The following PCLO variants were observed in gnomAD, a reference collection of about 807,000 sequenced individuals.
PCLO encodes protein piccolo.
PCLO carries 82 observed loss-of-function variants against 427.5 expected under a neutral mutation model. That is an observed-to-expected ratio of 0.19 (90% confidence interval 0.16 to 0.23). The LOEUF is 0.23. Ranked by LOEUF, PCLO falls within the 10% of genes least tolerant of loss-of-function variation. The pLI is 1.00. For synonymous variants in PCLO, 2,357 were observed against 2,155.4 expected (o/e 1.09, Z -2.59); for missense variants, 6,239 against 6,115.9 (o/e 1.02, Z -0.67).
intron 3 of PCLO, among the ~76,000 whole-genome samples, chr7:83,042,608 C>T (rs1788998839): frequency 6.6e-6 from 1 of 152,048 alleles, no homozygotes; most frequent in South Asian, 2.1e-4. Context: ...AGCCTGTAAT[C>T]CCAGCACTTT....
At chr7:82,981,784 A>G (rs1406031111) in intron 3 of PCLO, among the ~76,000 whole-genome samples, 4 of 152,148 alleles carry the variant, frequency 2.6e-5, no homozygotes, top group Admixed American at 6.6e-5. Flanking sequence ...ACGTAAATGA[A>G]AAGAAGTCCT....
chr7:82,949,468 A>G lies in PCLO; in HGVS notation c.11112+8T>C. 1 of 1,546,424 alleles carries G rather than the reference A, an allele frequency of 6.5e-7. No individual in the cohort carries two copies. The highest frequency in any genetic ancestry group is 8.7e-7 in the Non-Finnish European group (1 of 1,147,786). ...CATTGCCTTCCAACTGAAAAGAATCACTCTTACCGTATAGCCCTCGGTATA... is the reference window on the plus strand; with the variant it reads ...CATTGCCTTCCAACTGAAAAGAATCGCTCTTACCGTATAGCCCTCGGTATA... On this transcript the variant is annotated splice_region_variant and intron_variant, in intron 6 of 24. Transcript: ENST00000333891.
At chr7:83,111,880 C>T (rs6467932) in intron 3 of PCLO, among the ~76,000 whole-genome samples, 78,454 of 152,032 alleles carry the variant, frequency 0.52, 20,787 homozygotes, top group African/African-American at 0.64. Flanking sequence ...AGTTTAAATG[C>T]TCACTTTTTA....
At position 82,966,488 on chromosome 7, in the gene PCLO, CTG is replaced by C; in HGVS notation, c.3301-3_3301-2del. ...AATTTAAACAAAGCCATTCTTGAAT[CTG>C]TGGGAAAAAAATTACAATGAACAGA... On this transcript the variant is annotated splice_acceptor_variant and splice_polypyrimidine_tract_variant and intron_variant, in intron 3 of 24. Coordinates refer to ENST00000333891, the MANE Select transcript of PCLO (RefSeq NM_033026.6). LOFTEE classifies it high-confidence loss of function. The C allele has an allele frequency of 3.9e-6, 6 of 1,539,868 alleles. No individual in the cohort carries two copies. The highest frequency in any genetic ancestry group is 5.3e-6 in the Non-Finnish European group (6 of 1,141,000).
rs1342970529 is a variant in PCLO, at chr7:82,756,457, AG to A, written c.*2117del. On this transcript the variant is annotated 3_prime_UTR_variant, in exon 25 of 25. Coordinates refer to ENST00000333891, the MANE Select transcript of PCLO (RefSeq NM_033026.6). ...GTAAATGACATTGTATTGTCAGTGG[AG>A]GGGGATTAAAAAATAGAGGGAAGAA... The A allele has an allele frequency of 6.6e-6, 1 of 151,958 alleles. No homozygotes were observed. Among genetic ancestry groups the A allele is most frequent in the African/African-American group, 2.4e-5 (1 of 41,372 alleles). The allele number at this position is 151,958 out of a possible 1,614,324, so 9.4% of individuals were successfully genotyped here. A position where few individuals can be genotyped will look rare whatever the true frequency, so the allele number is the denominator to read the frequency against.
At chr7:82,907,765 A>G (rs991258549) in intron 8 of PCLO, among the ~76,000 whole-genome samples, 4 of 152,008 alleles carry the variant, frequency 2.6e-5, no homozygotes, top group African/African-American at 9.7e-5. Flanking sequence ...TCTAGAAAAT[A>G]TGATAGCATA....
intron 18 of PCLO, 100 bp downstream of exon 18, chr7:82,826,489 G>T: frequency 1.5e-6 from 1 of 678,488 alleles, no homozygotes; most frequent in Non-Finnish European, 2.4e-6. Flanking sequence ...ATTTTTTTCA[G>T]AAACGGCTAT....
At chr7:83,051,903 A>G (rs2116268217) in intron 3 of PCLO, among the ~76,000 whole-genome samples, 1 of 152,220 alleles carries the variant, frequency 6.6e-6, no homozygotes, top group African/African-American at 2.4e-5. Context: ...AGACTCACAC[A>G]CAGTCAAAGG....
At chr7:82,958,888 T>A (rs948446916) in intron 4 of PCLO, among the ~76,000 whole-genome samples, 6 of 152,170 alleles carry the variant, frequency 3.9e-5, no homozygotes, top group African/African-American at 1.4e-4. Context: ...GAATTCAGTA[T>A]AATTTCTATG....
rs1796487154 is a variant in PCLO, at chr7:82,995,989, T to A, written c.3301-29502A>T. The stretch of plus-strand genomic sequence containing the variant: ...TTTAAGGGGAGAGGTACTGGATAAT[T>A]CTCATCCTTTTTGCTTTAGAATAGG... On this transcript the variant is annotated intron_variant, in intron 3 of 24. Coordinates refer to ENST00000333891, the MANE Select transcript of PCLO (RefSeq NM_033026.6). Among the ~76,000 whole-genome samples, 3 of 152,000 alleles carry A rather than the reference T, an allele frequency of 2.0e-5. No individual in the cohort carries two copies. In the South Asian group the frequency reaches 6.2e-4, roughly 32 times the overall value.
In PCLO at chr7:83,102,886, A is replaced by G. The variant is rs187957425; in HGVS notation, c.3300+31364T>C. ...GATTGCACATTGTATAGCTGTTTCCATAATTCATCCAAGTGATGGGTGGTA... is the reference window on the plus strand; with the variant it reads ...GATTGCACATTGTATAGCTGTTTCCGTAATTCATCCAAGTGATGGGTGGTA... On this transcript the variant is annotated intron_variant, in intron 3 of 24. Transcript: ENST00000333891. Among the ~76,000 whole-genome samples the G allele has an allele frequency of 5.9e-5, 9 of 152,048 alleles. No individual in the cohort carries two copies. The East Asian group carries it at 1.7e-3, about 29-fold the overall frequency.
In PCLO at chr7:83,073,410, T is replaced by G. The variant is rs145745885; in HGVS notation, c.3300+60840A>C. Among the ~76,000 whole-genome samples, 129 of 152,156 alleles carry G rather than the reference T, an allele frequency of 8.5e-4. 1 individual carries two copies. Among genetic ancestry groups the G allele is most frequent in the African/African-American group, 3.0e-3 (126 of 41,562 alleles). On this transcript the variant is annotated intron_variant, in intron 3 of 24. Transcript: ENST00000333891. ...GTGCTAGATGTTAAGAAAAGAGAGATAATATTTTCTGCCTTTAAGAGCCTA... is the reference window on the plus strand; with the variant it reads ...GTGCTAGATGTTAAGAAAAGAGAGAGAATATTTTCTGCCTTTAAGAGCCTA...
intron 3 of PCLO, among the ~76,000 whole-genome samples, chr7:83,130,065 C>T (rs1432547583): frequency 6.6e-6 from 1 of 151,420 alleles, no homozygotes; most frequent in Non-Finnish European, 1.5e-5. Context: ...TTTAAAACTG[C>T]TATCAGGTGT....
intron 3 of PCLO, among the ~76,000 whole-genome samples, chr7:83,042,787 G>A (rs538595623): frequency 3.9e-5 from 6 of 152,204 alleles, no homozygotes; most frequent in South Asian, 2.1e-4. Context: ...GCTTGAACCC[G>A]GGAGGCGGAG....
chr7:82,895,174 A>C (rs951681423), intron 9 of PCLO, among the ~76,000 whole-genome samples: 3 of 152,060 alleles, frequency 2.0e-5, no homozygotes, highest in Non-Finnish European at 2.9e-5. Flanking sequence ...GATCAAGAGC[A>C]GAAAGAGACT....
At chr7:82,798,623 T>C (rs760827065) in intron 22 of PCLO, among the ~76,000 whole-genome samples, 4 of 152,226 alleles carry the variant, frequency 2.6e-5, no homozygotes, top group Non-Finnish European at 5.9e-5. Flanking sequence ...TCTGTTTATA[T>C]ATTCTTTCTA....
intron 3 of PCLO, among the ~76,000 whole-genome samples, chr7:83,112,838 A>G (rs1791039624): frequency 6.6e-6 from 1 of 152,236 alleles, no homozygotes; most frequent in African/African-American, 2.4e-5. Flanking sequence ...TTTTCATTTT[A>G]GCCAAGGACC....
chr7:83,006,241 T>C (rs1292186983), intron 3 of PCLO, among the ~76,000 whole-genome samples: 2 of 151,674 alleles, frequency 1.3e-5, no homozygotes, highest in African/African-American at 4.8e-5. Flanking sequence ...AAGATATTCG[T>C]GAGTTAATAA....
At chr7:82,875,853 G>T (rs1793356404) in intron 10 of PCLO, among the ~76,000 whole-genome samples, 1 of 151,986 alleles carries the variant, frequency 6.6e-6, no homozygotes, top group African/African-American at 2.4e-5. Flanking sequence ...ATTTTTAAAA[G>T]TCTGTGATAA....
Sources: gnomAD v4.1 joint callset for allele counts (sites outside exome capture counted in the v4.1 genomes callset) on GRCh38, gnomAD v4.1.1 for gene constraint, MANE v1.5 for transcripts, NCBI Gene and HGNC (gene_info 2026-07-23, HGNC 2026-07-21) for gene names.